Variants in TRIM2 observed in about 807,000 individuals in gnomAD.
TRIM2 encodes tripartite motif containing 2.
TRIM2 carries 20 observed loss-of-function variants against 75.2 expected under a neutral mutation model. The ratio of observed to expected loss-of-function variants is 0.27; its 90% confidence interval spans 0.19 to 0.39. The LOEUF (loss-of-function observed/expected upper bound fraction) is 0.39. Among genes scored for constraint, TRIM2 ranks in the 10% least tolerant of loss-of-function variants. The probability of loss-of-function intolerance (pLI) is 1.00; values close to 1 mark genes in which losing one functional copy is unlikely to be tolerated. For missense variants in TRIM2, 660 were observed against 990.8 expected, an observed-to-expected ratio of 0.67 and a Z score of 4.48; for synonymous variants, 373 against 388.3, an observed-to-expected ratio of 0.96 and a Z score of 0.46.
At chr4:153,185,258 C>A (rs372799087) in intron 1 of TRIM2, among the ~76,000 whole-genome samples, 1 of 152,186 alleles carries the variant, frequency 6.6e-6, no homozygotes, top group South Asian at 2.1e-4. Flanking sequence ...CACAAAGAAA[C>A]CCTACTGGCC....
At chr4:153,246,460 A>T (rs1016270870) in intron 1 of TRIM2, among the ~76,000 whole-genome samples, 2 of 152,152 alleles carry the variant, frequency 1.3e-5, no homozygotes, top group African/African-American at 2.4e-5. Flanking sequence ...AAAAATTGTT[A>T]ATTGTCTGAA....
intron 1 of TRIM2, among the ~76,000 whole-genome samples, chr4:153,241,024 C>A (rs1030285145): frequency 9.8e-5 from 15 of 152,316 alleles, no homozygotes; most frequent in African/African-American, 3.6e-4. Context: ...TTGCAGTGAG[C>A]CGAGATTGCG....
At chr4:153,244,354 CCTCTTCTTCT>C (rs1560874288) in intron 1 of TRIM2, among the ~76,000 whole-genome samples, 5 of 25,650 alleles carry the variant, frequency 1.9e-4, no homozygotes, top group Non-Finnish European at 3.1e-4. Flanking sequence ...TCTTCTTCTT[CCTCTTCTTCT>C]TCTTCTTCTT....
chr4:153,273,218 A>G (rs1757160066), intron 2 of TRIM2, among the ~76,000 whole-genome samples: 1 of 148,988 alleles, frequency 6.7e-6, no homozygotes, highest in South Asian at 2.1e-4. Context: ...CCCCATGTTC[A>G]GCCTCTGCTG....
chr4:153,270,330 G>A lies in TRIM2; in HGVS notation c.31-5G>A, dbSNP rs1389560369. On this transcript the variant is annotated splice_region_variant and splice_polypyrimidine_tract_variant and intron_variant, in intron 1 of 11. Transcript: ENST00000338700. ...GTTTTTCTGTTTTGATTTTCTGTCT[G>A]ACAGCAGCAGCGTGCAGGGTCAAAG... The A allele has an allele frequency of 6.2e-7, 1 of 1,605,056 alleles. No homozygotes were observed. Among genetic ancestry groups the A allele is most frequent in the African/African-American group, 1.3e-5 (1 of 74,588 alleles).
intron 6 of TRIM2, among the ~76,000 whole-genome samples, chr4:153,311,307 A>G (rs145855002): frequency 6.6e-6 from 1 of 152,300 alleles, no homozygotes; most frequent in African/African-American, 2.4e-5. Flanking sequence ...CTTTTTGACT[A>G]AGACACCTCC....
intron 1 of TRIM2, among the ~76,000 whole-genome samples, chr4:153,179,315 T>A (rs1178432380): frequency 1.3e-5 from 2 of 149,882 alleles, no homozygotes; most frequent in Non-Finnish European, 3.0e-5. Flanking sequence ...TTAAAATAAA[T>A]TTTAAAGTAT....
At chr4:153,267,979 A>C (rs1011805871) in intron 1 of TRIM2, among the ~76,000 whole-genome samples, 3 of 152,170 alleles carry the variant, frequency 2.0e-5, no homozygotes, top group African/African-American at 7.2e-5. Flanking sequence ...CGGAGTTTTT[A>C]AAGATAATTT....
Position 153,295,756 on chromosome 4 carries a change from C to T in TRIM2, c.1230C>T (p.Asp410=), listed in dbSNP as rs1170689596. The T allele has an allele frequency of 1.2e-6, 2 of 1,614,002 alleles. No individual in the cohort carries two copies. The highest frequency in any genetic ancestry group is 2.2e-5 in the South Asian group (2 of 91,060). Residue 410 remains aspartate, a synonymous_variant, in exon 6 of 12, where the codon GAC becomes GAT. Coordinates refer to ENST00000338700, the MANE Select transcript of TRIM2 (RefSeq NM_015271.5). This position sits in a 1 kb window ranked among gnomAD's most constrained non-coding sequence, Gnocchi z 7.2. ...DGSVADGEIL[D]NKNGTYEFLY... ...GCGTGGCAGACGGGGAGATCCTGGA[C>T]AACAAGAACGGCACCTATGAGTTTT...
chr4:153,215,500 A>T (rs1227621704), intron 1 of TRIM2, among the ~76,000 whole-genome samples: 1 of 150,076 alleles, frequency 6.7e-6, no homozygotes, highest in African/African-American at 2.4e-5. Flanking sequence ...TATTTCTATA[A>T]AAAAAAAAGC....
chr4:153,212,979 A>C (rs1579616762), intron 1 of TRIM2, among the ~76,000 whole-genome samples: 1 of 152,198 alleles, frequency 6.6e-6, no homozygotes, highest in African/African-American at 2.4e-5. Context: ...CTACCAGGGC[A>C]TGTACTTTCA....
chr4:153,172,855 A>G (rs1376473768), intron 1 of TRIM2, among the ~76,000 whole-genome samples: 1 of 152,212 alleles, frequency 6.6e-6, no homozygotes, highest in Non-Finnish European at 1.5e-5. Context: ...CAAGAGCTCA[A>G]GACAGAGACA....
Position 153,338,044 on chromosome 4 carries a change from C to G in TRIM2, c.*3078C>G, listed in dbSNP as rs958731722. ...TCAAACTTTAGTCTCCAGAACTAAA[C>G]AAGTCCCTAAGTTTCCTTATTTTAA... On this transcript the variant is annotated 3_prime_UTR_variant, in exon 12 of 12. Coordinates refer to ENST00000338700, the MANE Select transcript of TRIM2 (RefSeq NM_015271.5). The G allele has an allele frequency of 2.0e-6, 2 of 985,744 alleles. No individual in the cohort carries two copies. Among genetic ancestry groups the G allele is most frequent in the Non-Finnish European group, 2.4e-6 (2 of 829,906 alleles). The allele number at this position is 985,744 out of a possible 1,614,324, so 61.1% of individuals were successfully genotyped here. A position where few individuals can be genotyped will look rare whatever the true frequency, so the allele number is the denominator to read the frequency against.
At chr4:153,275,035 T>C (rs1243426894) in intron 2 of TRIM2, among the ~76,000 whole-genome samples, 1 of 152,182 alleles carries the variant, frequency 6.6e-6, no homozygotes, top group Non-Finnish European at 1.5e-5. Flanking sequence ...AATTGTATAG[T>C]CTAATTATTG....
chr4:153,236,658 T>TTTTTCTTTTCTTTTC (rs142215104), intron 1 of TRIM2, among the ~76,000 whole-genome samples: 5,165 of 149,574 alleles, frequency 0.035, 236 homozygotes, highest in Admixed American at 0.087. Context: ...GGATTGTGTC[T>TTTTTCTTTTCTTTTC]TTTTCTTTTC....
chr4:153,209,174 C>G (rs567569041), intron 1 of TRIM2, among the ~76,000 whole-genome samples: 35 of 152,348 alleles, frequency 2.3e-4, no homozygotes, highest in African/African-American at 7.9e-4. Context: ...CACCCAATGC[C>G]TCCCTAACTA....
rs1421714931 is a variant in TRIM2, at chr4:153,270,465, T to C, written c.161T>C (p.Leu54Pro). The C allele has an allele frequency of 6.2e-7, 1 of 1,613,762 alleles. No individual in the cohort carries two copies. Among genetic ancestry groups the C allele is most frequent in the Admixed American group, 1.7e-5 (1 of 59,974 alleles). Residue 54 changes from leucine to proline, a missense_variant, in exon 2 of 12, where the codon CTG (leucine) becomes CCG (proline). Leu to Pro is a moderately conservative substitution (Grantham distance 98). Transcript: ENST00000338700. ...CAGTTTCTGATTTGCAGTATATGCC[T>C]GGAACGGTACAAGAATCCCAAGGTT... is the stretch of plus-strand genomic sequence containing the variant. Reference protein sequence around the residue: ...DKQFLICSICLERYKNPKVLP... With the variant: ...DKQFLICSICPERYKNPKVLP...
chr4:153,166,911 G>A (rs4235230), intron 1 of TRIM2, among the ~76,000 whole-genome samples: 105,571 of 152,002 alleles, frequency 0.69, 37,457 homozygotes, highest in Non-Finnish European at 0.77. Context: ...TCCACCTCCC[G>A]GGGGTCTGTC....
chr4:153,237,811 G>GTTATACAAATA (rs199845378), intron 1 of TRIM2, among the ~76,000 whole-genome samples: 1 of 152,068 alleles, frequency 6.6e-6, no homozygotes, highest in Non-Finnish European at 1.5e-5. Flanking sequence ...TATACAAATG[G>GTTATACAAATA]TTATACAAAT....
Sources: allele counts gnomAD v4.1 joint callset (sites outside exome capture counted in the v4.1 genomes callset), GRCh38; gene constraint gnomAD v4.1.1; non-coding constraint Gnocchi (gnomAD v3.1); transcripts MANE v1.5; gene names NCBI Gene and HGNC (gene_info 2026-07-23, HGNC 2026-07-21).